Variants in ANKRD36 observed in about 807,000 individuals in gnomAD.
ANKRD36 encodes the protein ankyrin repeat domain-containing protein 36A.
A neutral mutation model predicts 278.1 loss-of-function variants in ANKRD36; 179 were observed. The ratio of observed to expected loss-of-function variants is 0.64; its 90% confidence interval spans 0.57 to 0.73. The LOEUF (loss-of-function observed/expected upper bound fraction) is 0.73, where lower values mean the gene tolerates loss of function less well. Ranked by LOEUF, ANKRD36 falls within the 30% of genes least tolerant of loss-of-function variation. The pLI is 0.00. For synonymous variants in ANKRD36, 320 were observed against 641.1 expected (o/e 0.50, Z 7.57); for missense variants, 1,159 against 1,956.7 (o/e 0.59, Z 7.69).
At chr2:97,118,031 T>C (rs773534456) in intron 1 of ANKRD36, 33 bp from the exon 2 acceptor site, 1 of 1,543,128 alleles carries the variant, frequency 6.5e-7, no homozygotes, top group African/African-American at 1.4e-5. Context: ...TGCTTACAGT[T>C]ACATGTTTTA....
intron 67 of ANKRD36, among the ~76,000 whole-genome samples, chr2:97,229,187 C>A (rs1311586359): frequency 6.6e-6 from 1 of 151,212 alleles, no homozygotes; most frequent in African/African-American, 2.4e-5. Context: ...ATTCCTGGGT[C>A]TCCTTATTAA....
chr2:97,204,616 C>T (rs1171884867), intron 50 of ANKRD36, among the ~76,000 whole-genome samples: 2 of 151,366 alleles, frequency 1.3e-5, no homozygotes, highest in Admixed American at 6.6e-5. Context: ...CACTTCAGCT[C>T]GCACTGCCAA....
intron 48 of ANKRD36, among the ~76,000 whole-genome samples, chr2:97,202,994 G>A (rs961160005): frequency 4.0e-5 from 6 of 151,756 alleles, no homozygotes; most frequent in African/African-American, 1.5e-4. Flanking sequence ...AGGAACTGCT[G>A]GAAGAAGGAA....
chr2:97,199,621 A>T lies in ANKRD36; in HGVS notation c.2756-713A>T, dbSNP rs192283862. ...CCATTTTACCTTGTAGAAGTATGTC[A>T]AAGTTGATAATTGATGATATTTTTA... is the stretch of plus-strand genomic sequence containing the variant. On this transcript the variant is annotated intron_variant, in intron 44 of 75. Coordinates refer to ENST00000420699, the MANE Select transcript of ANKRD36 (RefSeq NM_001354587.1). Among the ~76,000 whole-genome samples the T allele has an allele frequency of 1.6e-4, 25 of 152,038 alleles. No individual in the cohort carries two copies. The East Asian group carries it at 4.9e-3, about 30-fold the overall frequency.
chr2:97,230,301 A>G (rs2071485159), intron 67 of ANKRD36, among the ~76,000 whole-genome samples: 1 of 151,892 alleles, frequency 6.6e-6, no homozygotes, highest in African/African-American at 2.4e-5. Context: ...TGGTCTTTTC[A>G]CTTAGTCCCA....
chr2:97,197,014 A>G (rs1415508672), intron 42 of ANKRD36, among the ~76,000 whole-genome samples: 2 of 151,894 alleles, frequency 1.3e-5, no homozygotes, highest in Non-Finnish European at 2.9e-5. Flanking sequence ...GGAAGAAGAT[A>G]TATGGAGAGC....
intron 66 of ANKRD36, among the ~76,000 whole-genome samples, chr2:97,222,337 G>A (rs144062617): frequency 2.1e-4 from 32 of 152,158 alleles, no homozygotes; most frequent in Non-Finnish European, 3.7e-4. Flanking sequence ...CTTTTGAATC[G>A]TTACCTAGCA....
chr2:97,124,622 G>C (rs1213650764), intron 5 of ANKRD36, 25 bp downstream of exon 5: 2 of 1,537,644 alleles, frequency 1.3e-6, no homozygotes, highest in South Asian at 1.2e-5. Flanking sequence ...AAAAAGGCTA[G>C]TGAACACTAA....
chr2:97,154,164 T>C (rs2046855857), intron 14 of ANKRD36, among the ~76,000 whole-genome samples: 1 of 146,202 alleles, frequency 6.8e-6, no homozygotes, highest in Admixed American at 6.8e-5. Context: ...CCTCTTTAAG[T>C]AGCTTACATG....
intron 17 of ANKRD36, among the ~76,000 whole-genome samples, chr2:97,161,558 G>A (rs1044392283): frequency 2.0e-5 from 3 of 152,176 alleles, no homozygotes; most frequent in East Asian, 1.9e-4. Context: ...TAACTCATCT[G>A]CTTATGGCTG....
At chr2:97,145,950 G>A (rs948449459) in intron 10 of ANKRD36, among the ~76,000 whole-genome samples, 1 of 152,024 alleles carries the variant, frequency 6.6e-6, no homozygotes, top group Non-Finnish European at 1.5e-5. Flanking sequence ...CTGCTGGATT[G>A]TCCGGCAAGT....
In ANKRD36 at chr2:97,113,918, A is replaced by C; in HGVS notation, c.179A>C (p.Lys60Thr). The part of the protein sequence containing the change: ...YLLLTYYDAN[K>T]RDRKERTALH... ...CTGCTCACGTATTATGACGCCAATA[A>C]GAGAGACAGGAAGGAAAGGTAATGG... The change falls in exon 1 of 76, where the codon AAG becomes ACG. Residue 60 changes from lysine to threonine, a missense_variant. Transcript: ENST00000420699. 6.2e-7 allele frequency: 1 copy of C among 1,612,720 alleles called. No homozygotes were observed. The highest frequency in any genetic ancestry group is 8.5e-7 in the Non-Finnish European group (1 of 1,179,842).
chr2:97,175,896 C>G (rs2054098210), intron 22 of ANKRD36, among the ~76,000 whole-genome samples: 1 of 151,742 alleles, frequency 6.6e-6, no homozygotes, highest in Non-Finnish European at 1.5e-5. Flanking sequence ...AGTAGTCATT[C>G]AGGAGCAGGT....
In ANKRD36 at chr2:97,205,932, C is replaced by A; in HGVS notation, c.3062-8C>A. 6.4e-7 allele frequency: 1 copy of A among 1,551,344 alleles called. No homozygotes were observed. On this transcript the variant is annotated splice_region_variant and splice_polypyrimidine_tract_variant and intron_variant, in intron 50 of 75. Transcript: ENST00000420699. ...TATGACTGATTATGAATCACTTTTG[C>A]TTTTCAGTGTCTTCTCAGAAACCAC...
At chr2:97,200,175 AT>A (rs1269453587) in intron 44 of ANKRD36, among the ~76,000 whole-genome samples, 158 bp from the exon 45 acceptor site, 1 of 151,832 alleles carries the variant, frequency 6.6e-6, no homozygotes, top group Non-Finnish European at 1.5e-5. Context: ...TTTTCAGTGT[AT>A]TTCTGTCATG....
Position 97,254,759 on chromosome 2 carries a change from G to GT in ANKRD36, c.*6+4587dup, listed in dbSNP as rs1193457301. Among the ~76,000 whole-genome samples the GT allele has an allele frequency of 3.3e-5, 4 of 122,180 alleles. No homozygotes were observed. The East Asian group carries it at 1.6e-3, about 49-fold the overall frequency. The allele number at this position is 122,180 out of a possible 152,430, so 80.2% of individuals were successfully genotyped here. A position where few individuals can be genotyped will look rare whatever the true frequency, so the allele number is the denominator to read the frequency against. On this transcript the variant is annotated intron_variant, in intron 75 of 75. Coordinates refer to ENST00000420699, the MANE Select transcript of ANKRD36 (RefSeq NM_001354587.1). ...GCACCTTTGTCAAAGATAAGTTGAC[G>GT]TGTGTGGATTTATTTCTGGGTTTTC...
chr2:97,202,385 C>A lies in ANKRD36; in HGVS notation c.2951C>A (p.Ser984Tyr), dbSNP rs762583687. Residue 984 changes from serine to tyrosine, a missense_variant, in exon 48 of 76, where the codon TCT becomes TAT. Coordinates refer to ENST00000420699, the MANE Select transcript of ANKRD36 (RefSeq NM_001354587.1). ...IARENKDGEK[S>Y]RTVSSEKPPG... ...AGAGAAAACAAGGATGGAGAAAAAT[C>A]TAGGACAGGTAATTTTGAAAACAGA... 4 of 1,551,042 alleles carry A rather than the reference C, an allele frequency of 2.6e-6. No individual in the cohort carries two copies. The South Asian group carries it at 4.7e-5, about 18-fold the overall frequency.
At chr2:97,220,776 T>TTA (rs1491530864) in intron 66 of ANKRD36, among the ~76,000 whole-genome samples, 1 of 77,100 alleles carries the variant, frequency 1.3e-5, no homozygotes, top group Non-Finnish European at 2.2e-5. Context: ...TTTTTTTTAA[T>TTA]TTTTTTTTTT....
In ANKRD36 at chr2:97,156,227, T is replaced by TA. The variant is rs917058488; in HGVS notation, c.1260+1486_1260+1487insA. 1.5e-4 allele frequency among the ~76,000 whole-genome samples: 22 copies of TA among 146,492 alleles called. 1 individual carries two copies. The highest frequency in any genetic ancestry group is 4.6e-4 in the African/African-American group (19 of 41,134). On this transcript the variant is annotated intron_variant, in intron 15 of 75. Coordinates refer to ENST00000420699, the MANE Select transcript of ANKRD36 (RefSeq NM_001354587.1). The stretch of plus-strand genomic sequence containing the variant: ...TCAGGACATACATTACTCTTTTTTT[T>TA]TTATTATTATACTTTAAGTTTTAGG...
Sources: gnomAD v4.1 joint callset for allele counts (sites outside exome capture counted in the v4.1 genomes callset) on GRCh38, gnomAD v4.1.1 for gene constraint, MANE v1.5 for transcripts, NCBI Gene and HGNC (gene_info 2026-07-23, HGNC 2026-07-21) for gene names.